The following GRIK4 variants were observed in gnomAD, a reference collection of about 807,000 sequenced individuals.
GRIK4 encodes the protein glutamate ionotropic receptor kainate type subunit 4, also known as glutamate receptor ionotropic, kainate 4.
Under a neutral mutation model 104.9 loss-of-function variants are expected in GRIK4, and 40 were observed. The observed-to-expected ratio is 0.38, with a 90% confidence interval of 0.30 to 0.50. The LOEUF is 0.50. Ranked by LOEUF, GRIK4 falls within the 20% of genes least tolerant of loss-of-function variation. The pLI, the probability that GRIK4 is intolerant of heterozygous loss-of-function variation, is 0.93. For missense variants in GRIK4, 1,047 were observed against 1,308.1 expected, an observed-to-expected ratio of 0.80 and a Z score of 3.08; for synonymous variants, 485 against 524.9, an observed-to-expected ratio of 0.92 and a Z score of 1.04.
intron 1 of GRIK4, among the ~76,000 whole-genome samples, chr11:120,651,569 A>G (rs1949619635): frequency 6.6e-6 from 1 of 152,178 alleles, no homozygotes; most frequent in Non-Finnish European, 1.5e-5. Context: ...CCACAGTTGT[A>G]GTGCTCAGGG....
rs995257624 is a variant in GRIK4 at position 120,953,053 on chromosome 11, G to C, written c.1700+89G>C. The C allele has an allele frequency of 7.5e-6, 6 of 802,998 alleles. No individual in the cohort carries two copies. Among genetic ancestry groups the C allele is most frequent in the East Asian group, 4.9e-5 (2 of 40,692 alleles). 49.7% of individuals were successfully genotyped at this position (802,998 alleles called of 1,614,324 possible). A position where few individuals can be genotyped will look rare whatever the true frequency, so the allele number is the denominator to read the frequency against. Reference sequence around the variant, plus strand: ...TGGGGAGGGGGTGGGGAGGAGGAGAGGGGGAGGAGGAGTTGGGAAGATCTT... The same window carrying C: ...TGGGGAGGGGGTGGGGAGGAGGAGACGGGGAGGAGGAGTTGGGAAGATCTT... On this transcript the variant is annotated intron_variant, in intron 15 of 20. Coordinates refer to ENST00000527524, the MANE Select transcript of GRIK4 (RefSeq NM_014619.5). The surrounding 1 kb of genome is among the most constrained non-coding windows in gnomAD (Gnocchi z 4.9).
chr11:120,653,967 T>C (rs1198845567), intron 2 of GRIK4, among the ~76,000 whole-genome samples, 175 bp downstream of exon 2: 2 of 152,188 alleles, frequency 1.3e-5, no homozygotes, highest in Non-Finnish European at 2.9e-5. Flanking sequence ...CTGTTGGGTG[T>C]CGAGAACAGG....
chr11:120,733,333 A>T, intron 3 of GRIK4, among the ~76,000 whole-genome samples: 1 of 150,758 alleles, frequency 6.6e-6, no homozygotes, highest in Non-Finnish European at 1.5e-5. Flanking sequence ...TATTATTGAT[A>T]AGTAAGGAAT....
chr11:120,658,858 C>T (rs1177112636), intron 2 of GRIK4, among the ~76,000 whole-genome samples: 1 of 150,112 alleles, frequency 6.7e-6, no homozygotes, highest in Non-Finnish European at 1.5e-5. Context: ...ACGCCATTCT[C>T]CTGCCTCAGC....
intron 3 of GRIK4, among the ~76,000 whole-genome samples, chr11:120,766,780 C>T (rs1340545556): frequency 6.6e-6 from 1 of 151,766 alleles, no homozygotes; most frequent in Non-Finnish European, 1.5e-5. Context: ...CTGTGGGCTG[C>T]ACCCACTGTC....
intron 11 of GRIK4, among the ~76,000 whole-genome samples, chr11:120,882,796 G>A (rs568839579): frequency 3.3e-5 from 5 of 152,260 alleles, no homozygotes; most frequent in South Asian, 4.2e-4. Context: ...CAGGATGACA[G>A]GTGCTGGGTG....
At chr11:120,932,937 G>A (rs1233618842) in intron 13 of GRIK4, among the ~76,000 whole-genome samples, 2 of 152,190 alleles carry the variant, frequency 1.3e-5, no homozygotes, top group African/African-American at 4.8e-5. Flanking sequence ...ATAGAAGAGA[G>A]GATCTGAAAG....
In GRIK4 at chr11:120,962,561, T is replaced by A; in HGVS notation, c.2146T>A (p.Ser716Thr). ...GGAGGGAATCGCCAGGGTGTTGAAT[T>A]CCAACTACGCCTTCCTCCTGGAATC... ...TEEGIARVLNSNYAFLLESTM... is the reference protein window; with the variant it reads ...TEEGIARVLNTNYAFLLESTM... Residue 716 changes from serine (S) to threonine (T), a missense_variant, in exon 18 of 21, where the codon TCC becomes ACC. Physicochemically the swap from Ser to Thr is moderately conservative, Grantham distance 58. Around this residue, in one of 3 missense-constraint regions of GRIK4, gnomAD observed 440 missense variants for 652.3 expected, o/e 0.67. Coordinates refer to ENST00000527524, the MANE Select transcript of GRIK4 (RefSeq NM_014619.5). The A allele has an allele frequency of 6.2e-7, 1 of 1,614,014 alleles. No homozygotes were observed. Among genetic ancestry groups the A allele is most frequent in the Non-Finnish European group, 8.5e-7 (1 of 1,179,932 alleles).
intron 1 of GRIK4, among the ~76,000 whole-genome samples, chr11:120,651,913 T>G (rs191379314): frequency 6.6e-6 from 1 of 152,338 alleles, no homozygotes; most frequent in East Asian, 1.9e-4. Context: ...CATAATCACA[T>G]TCCTACATTT....
At chr11:120,541,184 A>G (rs1187631802) in intron 1 of GRIK4, among the ~76,000 whole-genome samples, 7 of 152,178 alleles carry the variant, frequency 4.6e-5, no homozygotes, top group Admixed American at 4.6e-4. Flanking sequence ...CCACCTGCTG[A>G]ACTCCTGCTC....
chr11:120,852,845 G>A (rs1028119374), intron 8 of GRIK4, among the ~76,000 whole-genome samples: 1 of 152,162 alleles, frequency 6.6e-6, no homozygotes, highest in Non-Finnish European at 1.5e-5. Flanking sequence ...GGCTAAGAGA[G>A]GACTTCTGAG....
intron 2 of GRIK4, among the ~76,000 whole-genome samples, chr11:120,655,742 G>A (rs775179549): frequency 6.6e-6 from 1 of 152,204 alleles, no homozygotes; most frequent in African/African-American, 2.4e-5. Flanking sequence ...AAATGTGGGG[G>A]TGTGGGAACA....
intron 3 of GRIK4, among the ~76,000 whole-genome samples, chr11:120,787,811 T>C (rs1298874211): frequency 1.3e-5 from 2 of 150,808 alleles, no homozygotes; most frequent in Non-Finnish European, 2.9e-5. Flanking sequence ...AAATGACATA[T>C]GTGCCTTGCA....
chr11:120,832,393 G>A (rs1009934139), intron 7 of GRIK4, among the ~76,000 whole-genome samples: 1 of 152,158 alleles, frequency 6.6e-6, no homozygotes, highest in Non-Finnish European at 1.5e-5. Flanking sequence ...TATAGAAATG[G>A]TTCCGTAGTT....
chr11:120,535,157 C>T (rs1422827809), intron 1 of GRIK4, among the ~76,000 whole-genome samples: 4 of 152,088 alleles, frequency 2.6e-5, no homozygotes, highest in Admixed American at 6.5e-5. Flanking sequence ...GAGGTGTGTA[C>T]GGCCCACTCT....
chr11:120,560,557 A>T lies in GRIK4; in HGVS notation c.-159+48670A>T, dbSNP rs114002215. Among the ~76,000 whole-genome samples the T allele has an allele frequency of 2.7e-3, 410 of 152,346 alleles. 4 individuals carry two copies. Among genetic ancestry groups the T allele is most frequent in the African/African-American group, 9.3e-3 (388 of 41,574 alleles). On this transcript the variant is annotated intron_variant, in intron 1 of 20. Transcript: ENST00000527524. ...ATATGGTATAGCTAGACTTATATACAAGTCTGGGAAGAAAGAGTGTTTCCA... is the reference window on the plus strand; with the variant it reads ...ATATGGTATAGCTAGACTTATATACTAGTCTGGGAAGAAAGAGTGTTTCCA...
intron 1 of GRIK4, among the ~76,000 whole-genome samples, chr11:120,583,805 G>A (rs1054453128): frequency 1.3e-5 from 2 of 152,192 alleles, no homozygotes; most frequent in Admixed American, 1.3e-4. Context: ...GCTTTGGGCA[G>A]TATGGCCATT....
chr11:120,709,304 C>T (rs777594974), intron 3 of GRIK4, among the ~76,000 whole-genome samples: 1 of 151,862 alleles, frequency 6.6e-6, no homozygotes, highest in African/African-American at 2.4e-5. Flanking sequence ...ATGGCAGTTC[C>T]GCTCACCTCC....
intron 2 of GRIK4, among the ~76,000 whole-genome samples, chr11:120,655,035 G>A (rs1949683018): frequency 6.6e-6 from 1 of 152,030 alleles, no homozygotes; most frequent in African/African-American, 2.4e-5. Context: ...ACCAAACTGG[G>A]AATTTATTTC....
Sources: allele counts gnomAD v4.1 joint callset (sites outside exome capture counted in the v4.1 genomes callset), GRCh38; gene constraint gnomAD v4.1.1; regional missense constraint gnomAD v4.1.1; non-coding constraint Gnocchi (gnomAD v3.1); transcripts MANE v1.5; gene names NCBI Gene and HGNC (gene_info 2026-07-23, HGNC 2026-07-21).